Variants in SMG8 observed in about 807,000 individuals in gnomAD.
SMG8 encodes the protein nonsense-mediated mRNA decay factor SMG8.
Under a neutral mutation model 82.1 loss-of-function variants are expected in SMG8, and 49 were observed. The observed-to-expected ratio is 0.60, with a 90% CI of 0.47 to 0.76. The LOEUF (loss-of-function observed/expected upper bound fraction) is 0.76, where lower values mean the gene tolerates loss of function less well. Ranked by LOEUF, SMG8 falls within the 30% of genes least tolerant of loss-of-function variation. SMG8 has a pLI of 0.00. For missense variants in SMG8, 969 were observed against 1,166.4 expected (o/e 0.83, Z 2.46); for synonymous variants, 404 against 430.0 (o/e 0.94, Z 0.75).
At position 59,212,937 on chromosome 17, in the gene SMG8, G is replaced by T; in HGVS notation, c.2114G>T (p.Ser705Ile). ...TTGAGTTTGGGCCAATCCACAGATA[G>T]CTTAGGTACCTATCCAGCTGATCCA... ...LALSLGQSTDSLGTYPADPQA... is the reference protein window; with the variant it reads ...LALSLGQSTDILGTYPADPQA... Residue 705 changes from serine to isoleucine, a missense_variant, in exon 3 of 4, where the codon AGC (serine) becomes ATC (isoleucine). Coordinates refer to ENST00000300917, the MANE Select transcript of SMG8 (RefSeq NM_018149.7). 3 of 1,614,146 alleles carry T rather than the reference G, an allele frequency of 1.9e-6. No individual in the cohort carries two copies. Among genetic ancestry groups the T allele is most frequent in the Non-Finnish European group, 2.5e-6 (3 of 1,180,034 alleles).
In SMG8 at chr17:59,210,246, C is replaced by A; in HGVS notation, c.195C>A (p.Phe65Leu). The A allele has an allele frequency of 1.2e-6, 2 of 1,612,336 alleles. No homozygotes were observed. Among genetic ancestry groups the A allele is most frequent in the Non-Finnish European group, 1.7e-6 (2 of 1,179,406 alleles). Residue 65 changes from phenylalanine to leucine, a missense_variant, in exon 1 of 4, where the codon TTC becomes TTA. Physicochemically the swap from Phe to Leu is conservative, Grantham distance 22 (BLOSUM62 0). Around this residue, in one of 3 missense-constraint regions of SMG8, gnomAD observed 206 missense variants for 190.5 expected, o/e 1.08. Transcript: ENST00000300917. Reference protein sequence around the residue: ...KTALRLNSEKFSLVNTVCDRQ... With the variant: ...KTALRLNSEKLSLVNTVCDRQ... ...CTCTACGCCTGAATTCCGAGAAGTTCTCTCTTGTGAATACGGTGTGCGACC... is the reference window on the plus strand; with the variant it reads ...CTCTACGCCTGAATTCCGAGAAGTTATCTCTTGTGAATACGGTGTGCGACC...
In SMG8 at chr17:59,210,885, A is replaced by C. The variant is rs1284544609; in HGVS notation, c.834A>C (p.Glu278Asp). ...LFQLNGALKV[E>D]PPRNQDPAHP... Reference sequence around the variant, plus strand: ...AACTCAATGGAGCCCTCAAGGTAGAACCTCCTCGGAACCAAGACCCAGCTC... The same window carrying C: ...AACTCAATGGAGCCCTCAAGGTAGACCCTCCTCGGAACCAAGACCCAGCTC... The change falls in exon 1 of 4, where the codon GAA becomes GAC. Residue 278 changes from glutamate (E) to aspartate (D), a missense_variant. Around this residue, in one of 3 missense-constraint regions of SMG8, gnomAD observed 662 missense variants for 884.8 expected, o/e 0.75. Transcript: ENST00000300917. The C allele has an allele frequency of 6.2e-7, 1 of 1,614,016 alleles. No individual in the cohort carries two copies. The highest frequency in any genetic ancestry group is 1.1e-5 in the South Asian group (1 of 91,072).
Position 59,210,178 on chromosome 17 carries a change from C to T in SMG8, c.127C>T (p.Arg43Trp). The change falls in exon 1 of 4, where the codon CGG (arginine) becomes TGG (tryptophan). Residue 43 changes from arginine to tryptophan, a missense_variant. By Grantham distance (101) the Arg-to-Trp change is moderately radical. This residue lies in a region of SMG8 where 206 missense variants were observed against 190.5 expected (regional missense o/e 1.08). Transcript: ENST00000300917. ...GGCTGGCGGACCGGAGCCTCCATGG[C>T]GGGAGGATGAGATCTGCGTTGTGGG... ...SAAGGPEPPWREDEICVVGIF... is the reference protein window; with the variant it reads ...SAAGGPEPPWWEDEICVVGIF... 6.3e-7 allele frequency: 1 copy of T among 1,593,158 alleles called. No homozygotes were observed. Among genetic ancestry groups the T allele is most frequent in the Non-Finnish European group, 8.5e-7 (1 of 1,169,934 alleles).
chr17:59,213,611 A>G lies in SMG8; in HGVS notation c.2778+10A>G, dbSNP rs2046955108. 1 of 1,584,004 alleles carries G rather than the reference A, an allele frequency of 6.3e-7. No homozygotes were observed. Among genetic ancestry groups the G allele is most frequent in the Non-Finnish European group, 8.6e-7 (1 of 1,167,950 alleles). On this transcript the variant is annotated intron_variant, in intron 3 of 3. Transcript: ENST00000300917. ...AATACTAATGCCTCAGGTAAGAAAT[A>G]TAACCCTCTGCAGCCCCAAACAAGT...
At position 59,211,213 on chromosome 17, in the gene SMG8, C is replaced by A; in HGVS notation, c.1162C>A (p.Gln388Lys). 6.2e-7 allele frequency: 1 copy of A among 1,609,712 alleles called. No homozygotes were observed. The highest frequency in any genetic ancestry group is 1.7e-5 in the Admixed American group (1 of 60,014). Residue 388 changes from glutamine (Q) to lysine (K), a missense_variant, in exon 1 of 4, where the codon CAA becomes AAA. Transcript: ENST00000300917. ...CCAGGTGATGAGGCAGCACAGCCGA[C>A]AACAACTTTCCTTTCACATTGACAG... is the stretch of plus-strand genomic sequence containing the variant. ...RYQVMRQHSR[Q>K]QLSFHIDSSS...
chr17:59,213,040 ACAGGCATCCACAGTTGAGTATCTCC>A lies in SMG8; in HGVS notation c.2225_2249del (p.Ser742CysfsTer22). 1 of 1,614,208 alleles carries A rather than the reference ACAGGCATCCACAGTTGAGTATCTCC, an allele frequency of 6.2e-7. No homozygotes were observed. Among genetic ancestry groups the A allele is most frequent in the Middle Eastern group, 1.6e-4 (1 of 6,062 alleles). On this transcript the variant is annotated frameshift_variant, in exon 3 of 4. Transcript: ENST00000300917. LOFTEE classifies it high-confidence loss of function. The stretch of plus-strand genomic sequence containing the variant: ...AGAAGAGGCCAAACTTCGTTGATCG[ACAGGCATCCACAGTTGAGTATCTCC>A]CAGGCATGCTACATTCAAATTGCCC...
In SMG8 at chr17:59,210,271, C is replaced by T. The variant is rs1207404479; in HGVS notation, c.220C>T (p.Arg74Ter). 1 of 1,613,238 alleles carries T rather than the reference C, an allele frequency of 6.2e-7. No individual in the cohort carries two copies. The highest frequency in any genetic ancestry group is 8.5e-7 in the Non-Finnish European group (1 of 1,179,828). The change falls in exon 1 of 4, where the codon CGA (arginine) becomes TGA (stop). Residue 74 changes from arginine (R) to a stop codon, truncating the protein, a stop_gained. Transcript: ENST00000300917. LOFTEE classifies it high-confidence loss of function. Reference sequence around the variant, plus strand: ...CTCTCTTGTGAATACGGTGTGCGACCGACAGGTCTTTCCTCTCTTTCGCCA... The same window carrying T: ...CTCTCTTGTGAATACGGTGTGCGACTGACAGGTCTTTCCTCTCTTTCGCCA... ...KFSLVNTVCD[R>*]QVFPLFRHQD...
Position 59,211,428 on chromosome 17 carries a change from T to C in SMG8, c.1377T>C (p.Ala459=). 2 of 1,614,198 alleles carry C rather than the reference T, an allele frequency of 1.2e-6. No individual in the cohort carries two copies. Among genetic ancestry groups the C allele is most frequent in the Non-Finnish European group, 1.7e-6 (2 of 1,180,038 alleles). The change falls in exon 1 of 4, where the codon GCT becomes GCC. Residue 459 remains alanine (A), a synonymous_variant. Coordinates refer to ENST00000300917, the MANE Select transcript of SMG8 (RefSeq NM_018149.7). ...ISAASKLYEV[A]IDGKEEDLGS... ...CAGCTTCAAAACTGTATGAGGTGGC[T>C]ATTGATGGGAAAGAAGAGGACTTGG...
chr17:59,210,248 C>T lies in SMG8; in HGVS notation c.197C>T (p.Ser66Phe), dbSNP rs1389893707. 6.2e-7 allele frequency: 1 copy of T among 1,612,648 alleles called. No individual in the cohort carries two copies. The highest frequency in any genetic ancestry group is 1.7e-5 in the Admixed American group (1 of 59,636). The part of the protein sequence containing the change: ...TALRLNSEKF[S>F]LVNTVCDRQV... Reference sequence around the variant, plus strand: ...CTACGCCTGAATTCCGAGAAGTTCTCTCTTGTGAATACGGTGTGCGACCGA... The same window carrying T: ...CTACGCCTGAATTCCGAGAAGTTCTTTCTTGTGAATACGGTGTGCGACCGA... The change falls in exon 1 of 4, where the codon TCT (serine) becomes TTT (phenylalanine). Residue 66 changes from serine (S) to phenylalanine (F), a missense_variant. Physicochemically the swap from Ser to Phe is radical, Grantham distance 155. Around this residue, in one of 3 missense-constraint regions of SMG8, gnomAD observed 206 missense variants for 190.5 expected, o/e 1.08. Transcript: ENST00000300917.
Position 59,212,466 on chromosome 17 carries a change from G to C in SMG8, c.1885G>C (p.Ala629Pro). ...PRDDPFDIKAANYDFYQLLEE... is the reference protein window; with the variant it reads ...PRDDPFDIKAPNYDFYQLLEE... ...AGATGATCCCTTTGATATCAAAGCA[G>C]CCAATTATGACTTCTATCAGGTAGA... is the stretch of plus-strand genomic sequence containing the variant. Residue 629 changes from alanine (A) to proline (P), a missense_variant, in exon 2 of 4, where the codon GCC becomes CCC. Ala to Pro is a conservative substitution (Grantham distance 27). This residue lies in a region of SMG8 where 662 missense variants were observed against 884.8 expected (regional missense o/e 0.75). Coordinates refer to ENST00000300917, the MANE Select transcript of SMG8 (RefSeq NM_018149.7). 9 of 1,605,748 alleles carry C rather than the reference G, an allele frequency of 5.6e-6. No individual in the cohort carries two copies. Among genetic ancestry groups the C allele is most frequent in the Non-Finnish European group, 7.7e-6 (9 of 1,173,572 alleles).
In SMG8 at chr17:59,215,045, G is replaced by A. The variant is rs1260691630; in HGVS notation, c.*43G>A. On this transcript the variant is annotated 3_prime_UTR_variant, in exon 4 of 4. Transcript: ENST00000300917. ...CAATCCTATACTTGAGCTGGTTTTT[G>A]TTTTTGGTATTTGTGGCTGTGTTTT... 3.5e-6 allele frequency: 3 copies of A among 855,064 alleles called. No individual in the cohort carries two copies. The highest frequency in any genetic ancestry group is 6.1e-6 in the Non-Finnish European group (3 of 490,100). The allele number at this position is 855,064 out of a possible 1,614,324, so 53.0% of individuals were successfully genotyped here. A position where few individuals can be genotyped will look rare whatever the true frequency, so the allele number is the denominator to read the frequency against.
chr17:59,211,234 G>A lies in SMG8; in HGVS notation c.1183G>A (p.Asp395Asn). 2 of 1,614,194 alleles carry A rather than the reference G, an allele frequency of 1.2e-6. No individual in the cohort carries two copies. Among genetic ancestry groups the A allele is most frequent in the South Asian group, 2.2e-5 (2 of 91,074 alleles). Residue 395 changes from aspartate (D) to asparagine (N), a missense_variant, in exon 1 of 4, where the codon GAC becomes AAC. Transcript: ENST00000300917. ...HSRQQLSFHI[D>N]SSSSSSSGQL... ...CCGACAACAACTTTCCTTTCACATT[G>A]ACAGCAGCAGTTCCAGTTCTTCAGG...
At position 59,211,585 on chromosome 17, in the gene SMG8, C is replaced by T; in HGVS notation, c.1534C>T (p.Gln512Ter). The T allele has an allele frequency of 6.2e-7, 1 of 1,614,128 alleles. No homozygotes were observed. Among genetic ancestry groups the T allele is most frequent in the South Asian group, 1.1e-5 (1 of 91,064 alleles). Residue 512 changes from glutamine (Q) to a stop codon, truncating the protein, a stop_gained, in exon 1 of 4, where the codon CAG (glutamine) becomes TAG (stop). Transcript: ENST00000300917. LOFTEE classifies it high-confidence loss of function. ...TTTACCCATGGCCCACAGTGCCTACCAGTCAAATTTGCCTCATAATTACAC... is the reference window on the plus strand; with the variant it reads ...TTTACCCATGGCCCACAGTGCCTACTAGTCAAATTTGCCTCATAATTACAC... ...KALPMAHSAY[Q>*]SNLPHNYTMT...
At position 59,211,818 on chromosome 17, in the gene SMG8, A is replaced by C. The variant is rs1261473748; in HGVS notation, c.1759+8A>C. 1.3e-6 allele frequency: 2 copies of C among 1,509,834 alleles called. No homozygotes were observed. The highest frequency in any genetic ancestry group is 1.4e-5 in the African/African-American group (1 of 71,624). The allele number at this position is 1,509,834 out of a possible 1,614,324, so 93.5% of individuals were successfully genotyped here. A position where few individuals can be genotyped will look rare whatever the true frequency, so the allele number is the denominator to read the frequency against. ...ACTCATTACCTAAATCAGGTAGCTA[A>C]AATTTGTTCAGCATTTTGAAATAAA... On this transcript the variant is annotated splice_region_variant and intron_variant, in intron 1 of 3. Transcript: ENST00000300917.
chr17:59,211,601 A>G lies in SMG8; in HGVS notation c.1550A>G (p.His517Arg). 6.2e-7 allele frequency: 1 copy of G among 1,614,196 alleles called. No homozygotes were observed. Among genetic ancestry groups the G allele is most frequent in the Non-Finnish European group, 8.5e-7 (1 of 1,180,034 alleles). The change falls in exon 1 of 4, where the codon CAT (histidine) becomes CGT (arginine). Residue 517 changes from histidine (H) to arginine (R), a missense_variant. By Grantham distance (29) the His-to-Arg change is conservative. This residue lies in a region of SMG8 where 662 missense variants were observed against 884.8 expected (regional missense o/e 0.75). Coordinates refer to ENST00000300917, the MANE Select transcript of SMG8 (RefSeq NM_018149.7). ...AGTGCCTACCAGTCAAATTTGCCTC[A>G]TAATTACACAATGACTGTCCATAAG... Reference protein sequence around the residue: ...AHSAYQSNLPHNYTMTVHKNQ... With the variant: ...AHSAYQSNLPRNYTMTVHKNQ...
chr17:59,213,864 G>A (rs1328004906), intron 3 of SMG8, among the ~76,000 whole-genome samples: 1 of 151,976 alleles, frequency 6.6e-6, no homozygotes, highest in African/African-American at 2.4e-5. Context: ...AATTAAACAG[G>A]TCTTAAATTT....
At position 59,214,906 on chromosome 17, in the gene SMG8, T is replaced by C. The variant is rs775386354; in HGVS notation, c.2880T>C (p.Tyr960=). 11 of 872,916 alleles carry C rather than the reference T, an allele frequency of 1.3e-5. No individual in the cohort carries two copies. Among genetic ancestry groups the C allele is most frequent in the Non-Finnish European group, 2.2e-5 (11 of 501,668 alleles). 54.1% of individuals were successfully genotyped at this position (872,916 alleles called of 1,614,324 possible). A position where few individuals can be genotyped will look rare whatever the true frequency, so the allele number is the denominator to read the frequency against. Residue 960 remains tyrosine (Y), a synonymous_variant, in exon 4 of 4, where the codon TAT becomes TAC. Coordinates refer to ENST00000300917, the MANE Select transcript of SMG8 (RefSeq NM_018149.7). ...GGGTTTTGAGATTTCCTTATGCATA[T>C]GTGACTGAGAGAGGACCTTGTTTCC... ...GLWVLRFPYA[Y]VTERGPCFPP...
At chr17:59,213,737 A>T in intron 3 of SMG8, 136 bp downstream of exon 3, 1 of 1,223,776 alleles carries the variant, frequency 8.2e-7, no homozygotes, top group Non-Finnish European at 1.1e-6. Context: ...TTGTAATCCC[A>T]GAACTTTGGG....
rs374064274 is a variant in SMG8, at chr17:59,212,299, C to T, written c.1760-42C>T. On this transcript the variant is annotated intron_variant, in intron 1 of 3. Coordinates refer to ENST00000300917, the MANE Select transcript of SMG8 (RefSeq NM_018149.7). ...TTGTAGAATGCAAAGTAAATTCGCA[C>T]ATTGTGTTTATGAAATTAATAGTGG... 1.1e-4 allele frequency: 162 copies of T among 1,513,442 alleles called. No homozygotes were observed. In the African/African-American group the frequency reaches 1.4e-3, roughly 13 times the overall value. The allele number at this position is 1,513,442 out of a possible 1,614,324, so 93.8% of individuals were successfully genotyped here. A position where few individuals can be genotyped will look rare whatever the true frequency, so the allele number is the denominator to read the frequency against.
Sources: allele counts gnomAD v4.1 joint callset (sites outside exome capture counted in the v4.1 genomes callset), GRCh38; gene constraint gnomAD v4.1.1; regional missense constraint gnomAD v4.1.1; transcripts MANE v1.5; gene names NCBI Gene and HGNC (gene_info 2026-07-23, HGNC 2026-07-21).